The following HNMT variants were observed in gnomAD, a reference collection of about 807,000 sequenced individuals.
The protein encoded by HNMT is histamine N-methyltransferase.
Under a neutral mutation model 32.1 loss-of-function variants are expected in HNMT, and 30 were observed. That is an observed-to-expected ratio of 0.93 (90% CI 0.70 to 1.27). HNMT has a LOEUF of 1.27. Ranked by LOEUF, HNMT falls within the 50% of genes most tolerant of loss-of-function variation. The pLI is 0.00. For synonymous variants in HNMT, 125 were observed against 119.0 expected, an observed-to-expected ratio of 1.05 and a Z score of -0.33; for missense variants, 327 against 346.0, an observed-to-expected ratio of 0.95 and a Z score of 0.43.
At position 137,974,606 on chromosome 2, in the gene HNMT, A is replaced by C. The variant is rs80350570; in HGVS notation, c.190+4389A>C. On this transcript the variant is annotated intron_variant, in intron 2 of 5. Coordinates refer to ENST00000280097, the MANE Select transcript of HNMT (RefSeq NM_006895.3). ...TGCTCTGGGCTCTGCTTAAAGGATA[A>C]TCATTTTATCTGTCCCAGTGTTTGG... Among the ~76,000 whole-genome samples the C allele has an allele frequency of 8.1e-3, 1,238 of 152,264 alleles. 21 individuals are homozygous for C. The highest frequency in any genetic ancestry group is 0.028 in the African/African-American group (1,179 of 41,562).
intron 1 of HNMT, among the ~76,000 whole-genome samples, chr2:137,966,914 C>T (rs368579078): frequency 1.3e-5 from 2 of 152,080 alleles, no homozygotes; most frequent in Non-Finnish European, 2.9e-5. Flanking sequence ...TTTGTTTCCT[C>T]GGTCCTTTGT....
At chr2:137,982,239 C>T (rs868162493) in intron 2 of HNMT, among the ~76,000 whole-genome samples, 3 of 152,120 alleles carry the variant, frequency 2.0e-5, no homozygotes, top group African/African-American at 7.2e-5. Flanking sequence ...TCTTATTAAA[C>T]GTATCCTTGA....
At chr2:137,977,606 A>C (rs1680325113) in intron 2 of HNMT, among the ~76,000 whole-genome samples, 1 of 152,122 alleles carries the variant, frequency 6.6e-6, no homozygotes, top group Non-Finnish European at 1.5e-5. Flanking sequence ...AATATAAAAA[A>C]TTTAAAGAAA....
intron 3 of HNMT, 79 bp from the exon 4 acceptor site, chr2:138,001,985 G>T: frequency 6.4e-6 from 7 of 1,092,224 alleles, no homozygotes; most frequent in Non-Finnish European, 8.8e-6. Context: ...AACATTGATT[G>T]CATTAAAATT....
chr2:137,991,707 T>C (rs984576571), intron 2 of HNMT: 1 of 152,004 alleles, frequency 6.6e-6, no homozygotes, highest in African/African-American at 2.4e-5. Flanking sequence ...TGTATGTAAA[T>C]AGATAGAAGT....
rs1681217759 is a variant in HNMT at position 138,002,876 on chromosome 2, G to C, written c.429+682G>C. 5 of 565,722 alleles carry C rather than the reference G, an allele frequency of 8.8e-6. No homozygotes were observed. The Admixed American group carries it at 3.2e-4, about 36-fold the overall frequency. 35.0% of individuals were successfully genotyped at this position (565,722 alleles called of 1,614,324 possible). The stretch of plus-strand genomic sequence containing the variant: ...CAGAGTGTTTCTGTAGTGGACATAT[G>C]GTCGAAGGGGCAGGTTAAATGATGC... On this transcript the variant is annotated intron_variant, in intron 4 of 5. Transcript: ENST00000280097.
At chr2:137,993,384 C>G (rs1288718270) in intron 2 of HNMT, among the ~76,000 whole-genome samples, 1 of 152,096 alleles carries the variant, frequency 6.6e-6, no homozygotes, top group Non-Finnish European at 1.5e-5. Context: ...CTGAAAAACA[C>G]AGCACGAGAA....
At chr2:138,007,087 C>G (rs1681350593) in intron 5 of HNMT, among the ~76,000 whole-genome samples, 1 of 152,016 alleles carries the variant, frequency 6.6e-6, no homozygotes, top group East Asian at 1.9e-4. Context: ...CAACGAATAA[C>G]ATTTGACAGA....
At chr2:137,981,185 G>A in intron 2 of HNMT, 2 of 1,605,600 alleles carry the variant, frequency 1.2e-6, no homozygotes, top group East Asian at 2.2e-5. Flanking sequence ...TATGGCCACA[G>A]TCTTTAATCC....
chr2:138,006,766 A>G (rs140514709), intron 5 of HNMT, among the ~76,000 whole-genome samples: 286 of 152,104 alleles, frequency 1.9e-3, no homozygotes, highest in African/African-American at 6.0e-3. Flanking sequence ...TGGTCTCTGC[A>G]TCTCAGTTTA....
intron 2 of HNMT, among the ~76,000 whole-genome samples, chr2:137,972,262 C>T (rs1256180842): frequency 6.6e-6 from 1 of 152,008 alleles, no homozygotes; most frequent in African/African-American, 2.4e-5. Flanking sequence ...ACTGCCACCA[C>T]ACCCGTCTAA....
At chr2:138,006,069 A>G (rs887214363) in intron 5 of HNMT, among the ~76,000 whole-genome samples, 1 of 151,970 alleles carries the variant, frequency 6.6e-6, no homozygotes, top group Non-Finnish European at 1.5e-5. Context: ...CCTGGGTTTG[A>G]CCTTATGTGA....
At chr2:137,977,926 A>C (rs3100698) in intron 2 of HNMT, among the ~76,000 whole-genome samples, 1 of 151,796 alleles carries the variant, frequency 6.6e-6, no homozygotes, top group African/African-American at 2.4e-5. Context: ...TTGCCTCCCC[A>C]CCCCCCATCT....
chr2:137,986,344 G>A lies in HNMT; in HGVS notation c.191-14574G>A, dbSNP rs187628221. The stretch of plus-strand genomic sequence containing the variant: ...AGGCTGACAAGTCCCAAGATCTGCA[G>A]TCGGTAGGCTGGAGACCCAGGAGAG... On this transcript the variant is annotated intron_variant, in intron 2 of 5. Coordinates refer to ENST00000280097, the MANE Select transcript of HNMT (RefSeq NM_006895.3). Among the ~76,000 whole-genome samples, 62 of 152,058 alleles carry A rather than the reference G, an allele frequency of 4.1e-4. 1 individual carries two copies. Among genetic ancestry groups the A allele is most frequent in the African/African-American group, 1.5e-3 (61 of 41,422 alleles).
intron 2 of HNMT, among the ~76,000 whole-genome samples, chr2:137,980,832 A>G (rs1175004870): frequency 6.6e-6 from 1 of 152,162 alleles, no homozygotes; most frequent in African/African-American, 2.4e-5. Flanking sequence ...ATACTGAGGT[A>G]CCCAGGGTGT....
At chr2:138,002,341 A>C in intron 4 of HNMT, 147 bp downstream of exon 4, 1 of 1,088,058 alleles carries the variant, frequency 9.2e-7, no homozygotes, top group Non-Finnish European at 1.2e-6. Context: ...GCCCAAATAA[A>C]AGGTAAAGAT....
At chr2:137,996,324 C>T (rs1364973474) in intron 2 of HNMT, among the ~76,000 whole-genome samples, 1 of 152,208 alleles carries the variant, frequency 6.6e-6, no homozygotes, top group African/African-American at 2.4e-5. Flanking sequence ...TCAGCAAAGT[C>T]TTAGGATACA....
chr2:137,997,538 G>A lies in HNMT; in HGVS notation c.191-3380G>A, dbSNP rs183486030. On this transcript the variant is annotated intron_variant, in intron 2 of 5. Coordinates refer to ENST00000280097, the MANE Select transcript of HNMT (RefSeq NM_006895.3). ...TCAGGAAACAATAGATGCTGGCAAA[G>A]CCGTGGAGAGATAGGAGCACTTTTA... Among the ~76,000 whole-genome samples, 4 of 152,304 alleles carry A rather than the reference G, an allele frequency of 2.6e-5. No homozygotes were observed. The East Asian group carries it at 5.8e-4, about 22-fold the overall frequency.
chr2:137,991,710 ATAGAAG>A (rs1421046805), intron 2 of HNMT: 1 of 152,178 alleles, frequency 6.6e-6, no homozygotes, highest in East Asian at 1.9e-4. Context: ...ATGTAAATAG[ATAGAAG>A]TAGATATTTA....
Sources: allele counts gnomAD v4.1 joint callset (sites outside exome capture counted in the v4.1 genomes callset), GRCh38; gene constraint gnomAD v4.1.1; transcripts MANE v1.5; gene names NCBI Gene and HGNC (gene_info 2026-07-23, HGNC 2026-07-21).